DCUN1D4: variants seen among roughly 807,000 people sequenced by gnomAD.
The protein encoded by DCUN1D4 is DCN1-like protein 4.
DCUN1D4 carries 22 observed loss-of-function variants against 47.9 expected under a neutral mutation model. The ratio of observed to expected loss-of-function variants is 0.46; its 90% CI spans 0.33 to 0.66. The LOEUF (loss-of-function observed/expected upper bound fraction) is 0.66, where lower values mean the gene tolerates loss of function less well. Among genes scored for constraint, DCUN1D4 ranks in the 30% least tolerant of loss-of-function variants. The pLI is 0.02. For missense variants in DCUN1D4, 301 were observed against 340.8 expected (o/e 0.88, Z 0.92); for synonymous variants, 121 against 112.2 (o/e 1.08, Z -0.50).
In DCUN1D4 at chr4:51,908,593, AT is replaced by A. The variant is rs769448543; in HGVS notation, c.616-2465del. 1.2e-3 allele frequency among the ~76,000 whole-genome samples: 182 copies of A among 146,654 alleles called. 1 individual carries two copies. The highest frequency in any genetic ancestry group is 2.8e-3 in the East Asian group (14 of 5,030). ...TTTACTCCTTGAATTTGTTACGGTG[AT>A]TTTTTTTTTTTAAATGCCTATAAAG... is the stretch of plus-strand genomic sequence containing the variant. On this transcript the variant is annotated intron_variant, in intron 8 of 10. Coordinates refer to ENST00000334635, the MANE Select transcript of DCUN1D4 (RefSeq NM_001040402.3).
chr4:51,870,953 C>T (rs953089038), intron 3 of DCUN1D4, among the ~76,000 whole-genome samples: 3 of 151,704 alleles, frequency 2.0e-5, no homozygotes, highest in African/African-American at 7.3e-5. Context: ...TAAGTCAATT[C>T]CCTTCCCTTG....
Position 51,845,265 on chromosome 4 carries a change from A to G in DCUN1D4, c.25+1998A>G, listed in dbSNP as rs548583292. ...GGAGGTACACGTAACCCTTGTAACG[A>G]TAATATAAACTATGTGTTGGTATTT... On this transcript the variant is annotated intron_variant, in intron 1 of 10. Transcript: ENST00000334635. 4.1e-6 allele frequency: 4 copies of G among 985,414 alleles called. No homozygotes were observed. In the East Asian group the frequency reaches 4.5e-4, roughly 112 times the overall value. The allele number at this position is 985,414 out of a possible 1,614,324, so 61.0% of individuals were successfully genotyped here.
intron 3 of DCUN1D4, among the ~76,000 whole-genome samples, chr4:51,871,984 A>G (rs1348701463): frequency 3.3e-5 from 5 of 152,104 alleles, no homozygotes; most frequent in Non-Finnish European, 7.4e-5. Flanking sequence ...GGGGGTGCTT[A>G]GTGTCTCTGA....
At chr4:51,889,363 C>T (rs779809185) in intron 6 of DCUN1D4, among the ~76,000 whole-genome samples, 3 of 152,118 alleles carry the variant, frequency 2.0e-5, no homozygotes, top group Non-Finnish European at 4.4e-5. Flanking sequence ...TATTTAAAAC[C>T]CTCACTTTGC....
chr4:51,857,708 C>A (rs1033915605), intron 1 of DCUN1D4, among the ~76,000 whole-genome samples: 1 of 152,182 alleles, frequency 6.6e-6, no homozygotes, highest in Non-Finnish European at 1.5e-5. Flanking sequence ...GAGATTAAAT[C>A]TAAACGCTCA....
At position 51,913,611 on chromosome 4, in the gene DCUN1D4, C is replaced by A; in HGVS notation, c.*27C>A. 1 of 1,602,004 alleles carries A rather than the reference C, an allele frequency of 6.2e-7. No homozygotes were observed. Among genetic ancestry groups the A allele is most frequent in the South Asian group, 1.1e-5 (1 of 89,922 alleles). On this transcript the variant is annotated 3_prime_UTR_variant, in exon 11 of 11. Transcript: ENST00000334635. ...ACTTTATGCATAGCAGCGAGAGAGT[C>A]ACTGTTACCACAGTTTTGTCACCCA...
chr4:51,910,435 AATCT>A (rs772042591), intron 8 of DCUN1D4, among the ~76,000 whole-genome samples: 30 of 152,258 alleles, frequency 2.0e-4, no homozygotes, highest in Admixed American at 9.8e-4. Flanking sequence ...ACGTCTAAGA[AATCT>A]ATCTATCTAT....
At chr4:51,853,559 T>C (rs1266078482) in intron 1 of DCUN1D4, among the ~76,000 whole-genome samples, 2 of 152,226 alleles carry the variant, frequency 1.3e-5, no homozygotes, top group African/African-American at 4.8e-5. Flanking sequence ...GTGGATTGGC[T>C]ACTGGCACGC....
chr4:51,881,067 G>T (rs1728524426), intron 5 of DCUN1D4, among the ~76,000 whole-genome samples: 2 of 152,164 alleles, frequency 1.3e-5, no homozygotes, highest in South Asian at 4.1e-4. Context: ...GGCAGAGGTT[G>T]CAGTGAGCCA....
chr4:51,913,666 C>A lies in DCUN1D4; in HGVS notation c.*82C>A, dbSNP rs577923247. The stretch of plus-strand genomic sequence containing the variant: ...CCATAAATTGCTGTTTGTATCAAAG[C>A]GCATGCTGCTTCTCTTGCACTGTTT... On this transcript the variant is annotated 3_prime_UTR_variant, in exon 11 of 11. Coordinates refer to ENST00000334635, the MANE Select transcript of DCUN1D4 (RefSeq NM_001040402.3). 8.8e-6 allele frequency: 11 copies of A among 1,256,580 alleles called. No homozygotes were observed. The highest frequency in any genetic ancestry group is 1.3e-5 in the Non-Finnish European group (11 of 864,632). The allele number at this position is 1,256,580 out of a possible 1,614,324, so 77.8% of individuals were successfully genotyped here.
chr4:51,875,873 T>C (rs1031751534), intron 4 of DCUN1D4, among the ~76,000 whole-genome samples: 5 of 152,196 alleles, frequency 3.3e-5, no homozygotes, highest in African/African-American at 1.2e-4. Context: ...TTATATAGTG[T>C]CTCCAAGTTA....
chr4:51,896,939 A>G (rs920274070), intron 7 of DCUN1D4, among the ~76,000 whole-genome samples: 1 of 152,122 alleles, frequency 6.6e-6, no homozygotes, highest in Non-Finnish European at 1.5e-5. Flanking sequence ...TCCTCTCAGC[A>G]TCATCTTATA....
At chr4:51,835,932 G>T in the DCUN1D4 span, among the ~76,000 whole-genome samples, 1 of 152,224 alleles carries the variant, frequency 6.6e-6, no homozygotes, top group Admixed American at 6.5e-5. Flanking sequence ...CCTTCCCACT[G>T]CCTTAAAATA....
At chr4:51,853,568 G>T (rs554902024) in intron 1 of DCUN1D4, among the ~76,000 whole-genome samples, 1 of 152,178 alleles carries the variant, frequency 6.6e-6, no homozygotes, top group Non-Finnish European at 1.5e-5. Context: ...CTACTGGCAC[G>T]CCAGGGATTG....
intron 1 of DCUN1D4, 36 bp downstream of exon 1, chr4:51,843,303 G>C (rs1721885576): frequency 3.3e-6 from 5 of 1,507,600 alleles, no homozygotes; most frequent in Non-Finnish European, 2.7e-6. Context: ...GGCCGGGGCC[G>C]GGCGGCTGCC....
At chr4:51,876,450 A>C (rs1328869824) in intron 4 of DCUN1D4, among the ~76,000 whole-genome samples, 6 of 152,270 alleles carry the variant, frequency 3.9e-5, no homozygotes, top group African/African-American at 7.2e-5. Context: ...GGATAGGATT[A>C]GGAGATATAC....
At chr4:51,874,172 AAGCTGTGG>A in intron 3 of DCUN1D4, 91 bp from the exon 4 acceptor site, 1 of 622,172 alleles carries the variant, frequency 1.6e-6, no homozygotes, top group East Asian at 3.0e-5. Context: ...CTTACAATAC[AAGCTGTGG>A]AAGTGTTTAA....
chr4:51,913,143 C>T lies in DCUN1D4; in HGVS notation c.721-147C>T. 8.5e-6 allele frequency: 4 copies of T among 473,114 alleles called. No individual in the cohort carries two copies. In the South Asian group the frequency reaches 1.5e-4, roughly 18 times the overall value. The allele number at this position is 473,114 out of a possible 1,614,324, so 29.3% of individuals were successfully genotyped here. ...AAATTCTACTCTTGCTCTCCCTCACCATCCTCCTAGATTGGTGCTTAACAA... is the reference window on the plus strand; with the variant it reads ...AAATTCTACTCTTGCTCTCCCTCACTATCCTCCTAGATTGGTGCTTAACAA... On this transcript the variant is annotated intron_variant, in intron 9 of 10. Transcript: ENST00000334635.
intron 4 of DCUN1D4, chr4:51,875,231 A>G (rs529470580): frequency 1.6e-4 from 25 of 152,240 alleles, no homozygotes; most frequent in Non-Finnish European, 3.7e-4. Context: ...ATTATCTGAA[A>G]GAAGATAGTA....
Sources: allele counts gnomAD v4.1 joint callset (sites outside exome capture counted in the v4.1 genomes callset), GRCh38; gene constraint gnomAD v4.1.1; transcripts MANE v1.5; gene names NCBI Gene and HGNC (gene_info 2026-07-23, HGNC 2026-07-21).